SLC24A3: variants seen among roughly 807,000 people sequenced by gnomAD.
SLC24A3 encodes sodium/potassium/calcium exchanger 3.
A neutral mutation model predicts 75.8 loss-of-function variants in SLC24A3; 28 were observed. The ratio of observed to expected loss-of-function variants is 0.37; its 90% CI spans 0.27 to 0.51. SLC24A3 has a LOEUF of 0.51. Ranked by LOEUF, SLC24A3 falls within the 20% of genes least tolerant of loss-of-function variation. The pLI, the probability that SLC24A3 is intolerant of heterozygous loss-of-function variation, is 0.94. For missense variants in SLC24A3, 663 were observed against 847.8 expected, an observed-to-expected ratio of 0.78 and a Z score of 2.71; for synonymous variants, 372 against 334.1, an observed-to-expected ratio of 1.11 and a Z score of -1.24.
intron 6 of SLC24A3, among the ~76,000 whole-genome samples, chr20:19,608,742 G>A (rs1419174516): frequency 6.6e-6 from 1 of 152,208 alleles, no homozygotes; most frequent in African/African-American, 2.4e-5. Flanking sequence ...AATCACTGCT[G>A]TTGGCAGGTT....
chr20:19,551,376 C>G (rs1442601005), intron 3 of SLC24A3, among the ~76,000 whole-genome samples: 1 of 152,112 alleles, frequency 6.6e-6, no homozygotes, highest in Non-Finnish European at 1.5e-5. Context: ...GGACAAGACC[C>G]TTGGAGAAGA....
chr20:19,684,085 A>T (rs1290925940), intron 10 of SLC24A3, 91 bp from the exon 11 acceptor site: 23 of 1,410,528 alleles, frequency 1.6e-5, no homozygotes, highest in Non-Finnish European at 2.2e-5. Context: ...AGAAGGGAGG[A>T]AGAGAAAAGA....
chr20:19,720,828 A>G (rs2033097119), intron 16 of SLC24A3, among the ~76,000 whole-genome samples, 163 bp from the exon 17 acceptor site: 1 of 152,088 alleles, frequency 6.6e-6, no homozygotes, highest in Non-Finnish European at 1.5e-5. Flanking sequence ...CACCTCCCAC[A>G]ATCTGAGACG....
chr20:19,712,495 G>A (rs1407064257), intron 15 of SLC24A3, among the ~76,000 whole-genome samples: 2 of 152,122 alleles, frequency 1.3e-5, no homozygotes, highest in Admixed American at 6.5e-5. Context: ...AGGTGGGAAG[G>A]AGGTGAGACC....
chr20:19,692,845 G>T (rs1361731274), intron 12 of SLC24A3, among the ~76,000 whole-genome samples: 2 of 151,454 alleles, frequency 1.3e-5, no homozygotes, highest in African/African-American at 4.9e-5. Flanking sequence ...CGAAAACGTG[G>T]AAAACAGAAG....
At chr20:19,414,192 G>A (rs1007900992) in intron 2 of SLC24A3, among the ~76,000 whole-genome samples, 1 of 152,194 alleles carries the variant, frequency 6.6e-6, no homozygotes, top group African/African-American at 2.4e-5. Context: ...AGAATGTCAT[G>A]TGCTACTCAG....
In SLC24A3 at chr20:19,234,683, C is replaced by T. The variant is rs115493086; in HGVS notation, c.142+21699C>T. Among the ~76,000 whole-genome samples the T allele has an allele frequency of 5.2e-3, 785 of 152,134 alleles. 4 individuals are homozygous for T. Among genetic ancestry groups the T allele is most frequent in the African/African-American group, 0.018 (754 of 41,470 alleles). Reference sequence around the variant, plus strand: ...GAGAGCTGCAGGTGCACAGGAGCACCGTGATGTCATTGGTGTGCTCTGAAG... The same window carrying T: ...GAGAGCTGCAGGTGCACAGGAGCACTGTGATGTCATTGGTGTGCTCTGAAG... On this transcript the variant is annotated intron_variant, in intron 1 of 16. Coordinates refer to ENST00000328041, the MANE Select transcript of SLC24A3 (RefSeq NM_020689.4).
intron 2 of SLC24A3, among the ~76,000 whole-genome samples, chr20:19,338,575 C>T (rs956976131): frequency 2.0e-5 from 3 of 152,146 alleles, no homozygotes; most frequent in Non-Finnish European, 4.4e-5. Context: ...GATCACAATG[C>T]CTGTTCTATT....
intron 3 of SLC24A3, among the ~76,000 whole-genome samples, chr20:19,568,226 G>T (rs1049911436): frequency 6.6e-6 from 1 of 152,128 alleles, no homozygotes; most frequent in Admixed American, 6.5e-5. Context: ...AAATAGTATG[G>T]CAGTTTCTCA....
At chr20:19,673,293 A>ATG (rs2032489332) in intron 8 of SLC24A3, among the ~76,000 whole-genome samples, 1 of 150,144 alleles carries the variant, frequency 6.7e-6, no homozygotes, top group Non-Finnish European at 1.5e-5. Flanking sequence ...CTGAGACCAG[A>ATG]TGTATACATA....
chr20:19,249,557 A>G (rs2876519), intron 1 of SLC24A3, among the ~76,000 whole-genome samples: 99,646 of 152,062 alleles, frequency 0.66, 34,228 homozygotes, highest in East Asian at 0.96. Context: ...GTGTGAACAT[A>G]TTTCATTTCT....
At chr20:19,262,541 T>C (rs1983026532) in intron 1 of SLC24A3, among the ~76,000 whole-genome samples, 1 of 151,204 alleles carries the variant, frequency 6.6e-6, no homozygotes, top group South Asian at 2.1e-4. Context: ...GCCACTTACC[T>C]CTCCCTGAAC....
chr20:19,669,239 C>T (rs952177199), intron 8 of SLC24A3, among the ~76,000 whole-genome samples: 9 of 152,176 alleles, frequency 5.9e-5, no homozygotes, highest in Admixed American at 2.6e-4. Context: ...TGGTGGCTCA[C>T]GCCCATAATC....
At chr20:19,594,516 T>G (rs1421674750) in intron 6 of SLC24A3, among the ~76,000 whole-genome samples, 3 of 152,254 alleles carry the variant, frequency 2.0e-5, no homozygotes, top group African/African-American at 7.2e-5. Flanking sequence ...TATAGTCTTC[T>G]TTGGGCAGTA....
intron 8 of SLC24A3, among the ~76,000 whole-genome samples, chr20:19,666,515 A>C (rs8122015): frequency 0.089 from 13,113 of 147,540 alleles, 590 homozygotes; most frequent in Admixed American, 0.13. Flanking sequence ...CCCACCCCCC[A>C]AAAAAAAAAT....
intron 2 of SLC24A3, among the ~76,000 whole-genome samples, chr20:19,448,378 A>C (rs1006898120): frequency 6.6e-6 from 1 of 152,234 alleles, no homozygotes; most frequent in African/African-American, 2.4e-5. Flanking sequence ...TAGTCTTTAT[A>C]ATTCACATTT....
intron 7 of SLC24A3, among the ~76,000 whole-genome samples, chr20:19,663,402 T>A (rs1196835928): frequency 6.4e-5 from 6 of 93,578 alleles, no homozygotes; most frequent in Admixed American, 2.1e-4. Flanking sequence ...GGAGGCCTCC[T>A]CCTCCACCTC....
intron 1 of SLC24A3, among the ~76,000 whole-genome samples, chr20:19,226,827 C>G (rs375908985): frequency 6.6e-6 from 1 of 152,196 alleles, no homozygotes; most frequent in Non-Finnish European, 1.5e-5. Flanking sequence ...GATTCCACAT[C>G]CTGTGGTCTT....
chr20:19,600,853 G>T (rs2031518628), intron 6 of SLC24A3, among the ~76,000 whole-genome samples: 2 of 152,176 alleles, frequency 1.3e-5, no homozygotes, highest in Non-Finnish European at 1.5e-5. Flanking sequence ...TAGTGACAGG[G>T]TCTCCCTATG....
Sources: gnomAD v4.1 joint callset for allele counts (sites outside exome capture counted in the v4.1 genomes callset) on GRCh38, gnomAD v4.1.1 for gene constraint, MANE v1.5 for transcripts, NCBI Gene and HGNC (gene_info 2026-07-23, HGNC 2026-07-21) for gene names.